The following TSHR variants were observed in gnomAD, a reference collection of about 807,000 sequenced individuals.
The protein encoded by TSHR is thyroid stimulating hormone receptor.
In TSHR, 51 loss-of-function variants were observed where a neutral mutation model predicts 64.1. The ratio of observed to expected loss-of-function variants is 0.80; its 90% CI spans 0.64 to 1.01. The LOEUF (loss-of-function observed/expected upper bound fraction) is 1.01. Among genes scored for constraint, TSHR ranks in the 50% least tolerant of loss-of-function variants. TSHR has a pLI of 0.00. For synonymous variants in TSHR, 361 were observed against 361.9 expected (o/e 1.00, Z 0.03); for missense variants, 877 against 942.8 (o/e 0.93, Z 0.91).
chr14:80,985,143 A>G (rs1374746110), intron 1 of TSHR, among the ~76,000 whole-genome samples: 10 of 152,148 alleles, frequency 6.6e-5, no homozygotes, highest in South Asian at 2.1e-4. Context: ...CCAGCTACTC[A>G]GGAGGCTGAG....
intron 7 of TSHR, chr14:81,104,100 G>GAT: frequency 1.0e-6 from 1 of 985,420 alleles, no homozygotes; most frequent in Non-Finnish European, 1.2e-6. Context: ...CAGCTTGTAG[G>GAT]ATATACTCTA....
chr14:81,034,905 T>C (rs1256421233), intron 1 of TSHR, among the ~76,000 whole-genome samples: 2 of 152,222 alleles, frequency 1.3e-5, no homozygotes, highest in Non-Finnish European at 2.9e-5. Flanking sequence ...ATATGTGCAA[T>C]TGTATAGTCA....
Position 81,127,202 on chromosome 14 carries a change from T to C in TSHR, c.693-12477T>C, listed in dbSNP as rs1891053378. Among the ~76,000 whole-genome samples the C allele has an allele frequency of 1.3e-5, 2 of 152,226 alleles. 1 individual carries two copies. Among genetic ancestry groups the C allele is most frequent in the Admixed American group, 1.3e-4 (2 of 15,288 alleles). ...TTCTTCCCAAGTAAATGTGGATGGG[T>C]ACTAAATGTTTTCACTTTTCTGGGA... On this transcript the variant is annotated intron_variant, in intron 8 of 9. Coordinates refer to ENST00000298171, the MANE Select transcript of TSHR (RefSeq NM_000369.5).
At chr14:80,981,241 G>A (rs1237599220) in intron 1 of TSHR, among the ~76,000 whole-genome samples, 2 of 152,136 alleles carry the variant, frequency 1.3e-5, no homozygotes, top group East Asian at 3.9e-4. Flanking sequence ...CTCAGCTTGG[G>A]AGGTGTCTCA....
At chr14:80,998,936 G>C (rs557609237) in intron 1 of TSHR, among the ~76,000 whole-genome samples, 1 of 152,222 alleles carries the variant, frequency 6.6e-6, no homozygotes, top group Admixed American at 6.5e-5. Flanking sequence ...GGCTGTCTCA[G>C]GTTGGCTGGT....
chr14:81,104,551 A>G (rs1045652119), intron 7 of TSHR: 78 of 985,262 alleles, frequency 7.9e-5, no homozygotes, highest in Admixed American at 1.2e-4. Flanking sequence ...TCTAGGAGTC[A>G]CCCAACAATC....
chr14:81,120,707 A>G (rs1332801889), intron 8 of TSHR, among the ~76,000 whole-genome samples: 1 of 152,160 alleles, frequency 6.6e-6, no homozygotes, highest in Non-Finnish European at 1.5e-5. Flanking sequence ...TTCCAGTACT[A>G]TGTTGAATAG....
chr14:80,997,888 G>T (rs1889107634), intron 1 of TSHR, among the ~76,000 whole-genome samples: 1 of 152,178 alleles, frequency 6.6e-6, no homozygotes, highest in Non-Finnish European at 1.5e-5. Context: ...TAAGAGATAG[G>T]AGATTGTTCA....
intron 3 of TSHR, among the ~76,000 whole-genome samples, chr14:81,084,115 G>T (rs977558992): frequency 2.0e-5 from 3 of 152,166 alleles, no homozygotes; most frequent in African/African-American, 7.2e-5. Context: ...TACAATTCAA[G>T]ATGAGATTTG....
At chr14:81,072,015 GA>G (rs1248705488) in intron 3 of TSHR, among the ~76,000 whole-genome samples, 1 of 152,204 alleles carries the variant, frequency 6.6e-6, no homozygotes, top group Non-Finnish European at 1.5e-5. Context: ...TATTGTTTGT[GA>G]ATGAACTGAG....
chr14:81,120,269 C>T (rs113832801), intron 8 of TSHR, among the ~76,000 whole-genome samples: 197 of 152,274 alleles, frequency 1.3e-3, no homozygotes, highest in African/African-American at 4.1e-3. Flanking sequence ...CTTCCACACA[C>T]AGAGCTTCCC....
At chr14:80,966,132 A>G (rs1248863645) in intron 1 of TSHR, among the ~76,000 whole-genome samples, 1 of 152,132 alleles carries the variant, frequency 6.6e-6, no homozygotes, top group African/African-American at 2.4e-5. Flanking sequence ...TAATTATGCA[A>G]CTCCAGCGAG....
At chr14:81,089,251 G>C (rs1345485516) in intron 4 of TSHR, among the ~76,000 whole-genome samples, 1 of 152,168 alleles carries the variant, frequency 6.6e-6, no homozygotes, top group Non-Finnish European at 1.5e-5. Context: ...GCCTCCCAAA[G>C]TGCTGGGACT....
chr14:81,030,627 C>T (rs1479724442), intron 1 of TSHR, among the ~76,000 whole-genome samples: 1 of 152,068 alleles, frequency 6.6e-6, no homozygotes, highest in Non-Finnish European at 1.5e-5. Flanking sequence ...TTTTCTAGAT[C>T]GGATAGACTT....
chr14:80,989,335 A>G (rs1464207285), intron 1 of TSHR, among the ~76,000 whole-genome samples: 1 of 151,998 alleles, frequency 6.6e-6, no homozygotes, highest in Non-Finnish European at 1.5e-5. Flanking sequence ...TCGGCACCTC[A>G]CTCATTCTCT....
At chr14:81,004,195 G>A (rs533244646) in intron 1 of TSHR, among the ~76,000 whole-genome samples, 4 of 151,992 alleles carry the variant, frequency 2.6e-5, no homozygotes, top group African/African-American at 7.2e-5. Context: ...CACTTTACTC[G>A]TCTCCCCTCT....
intron 1 of TSHR, among the ~76,000 whole-genome samples, chr14:81,035,851 C>A (rs1261883200): frequency 2.0e-5 from 3 of 150,890 alleles, no homozygotes; most frequent in African/African-American, 7.4e-5. Flanking sequence ...GAATGGAGAG[C>A]CTTTGTGGTA....
chr14:81,104,849 G>T (rs1260971877), intron 7 of TSHR: 1 of 985,184 alleles, frequency 1.0e-6, no homozygotes, highest in East Asian at 1.1e-4. Context: ...CTTCCAACAG[G>T]TTCTCAAAGA....
At chr14:80,982,159 T>A in intron 1 of TSHR, 2 of 578,820 alleles carry the variant, frequency 3.5e-6, no homozygotes, top group Non-Finnish European at 6.4e-6. Flanking sequence ...GTGGCAGAGA[T>A]GAAGGCAGTG....
Sources: allele counts gnomAD v4.1 joint callset (sites outside exome capture counted in the v4.1 genomes callset), GRCh38; gene constraint gnomAD v4.1.1; transcripts MANE v1.5; gene names NCBI Gene and HGNC (gene_info 2026-07-23, HGNC 2026-07-21).